The following OPHN1 variants were observed in gnomAD, a reference collection of about 807,000 sequenced individuals.
OPHN1 encodes the protein oligophrenin 1.
A neutral mutation model predicts 60.7 loss-of-function variants in OPHN1; 11 were observed. The ratio of observed to expected loss-of-function variants is 0.18; its 90% CI spans 0.11 to 0.30. The LOEUF (loss-of-function observed/expected upper bound fraction) is 0.30. Among genes scored for constraint, OPHN1 ranks in the 10% least tolerant of loss-of-function variants. OPHN1 has a pLI of 1.00. For missense variants in OPHN1, 449 were observed against 611.0 expected (o/e 0.73, Z 2.80); for synonymous variants, 226 against 222.6 (o/e 1.02, Z -0.14).
intron 2 of OPHN1, among the ~76,000 whole-genome samples, chrX:68,301,515 C>T (rs2078121111): frequency 9.1e-6 from 1 of 109,343 alleles, no homozygotes; most frequent in Non-Finnish European, 1.9e-5. Flanking sequence ...TCCAAGTTCC[C>T]ATACATTTGT....
intron 19 of OPHN1, among the ~76,000 whole-genome samples, chrX:68,076,352 C>T (rs1343335656): frequency 9.1e-6 from 1 of 109,637 alleles, no homozygotes; most frequent in Non-Finnish European, 1.9e-5. Flanking sequence ...GGAACTGGAA[C>T]TTTCACTGCT....
intron 5 of OPHN1, among the ~76,000 whole-genome samples, chrX:68,249,574 T>C (rs1040215453): frequency 6.3e-5 from 7 of 111,885 alleles, no homozygotes; most frequent in African/African-American, 1.6e-4. Flanking sequence ...CTCCCCTCTG[T>C]GTACTGAGAA....
chrX:68,390,891 T>C (rs1671019422), intron 2 of OPHN1, among the ~76,000 whole-genome samples: 1 of 111,810 alleles, frequency 8.9e-6, no homozygotes, highest in Non-Finnish European at 1.9e-5. Context: ...TGACACAAAT[T>C]TATTATCTTA....
chrX:68,107,442 T>A (rs752074450), intron 18 of OPHN1, among the ~76,000 whole-genome samples: 88 of 111,916 alleles, frequency 7.9e-4, no homozygotes, highest in Non-Finnish European at 1.5e-3. Context: ...AGGCTACGTA[T>A]TTTTGGCAAA....
At chrX:68,188,332 A>G (rs1237824126) in intron 15 of OPHN1, among the ~76,000 whole-genome samples, 1 of 112,349 alleles carries the variant, frequency 8.9e-6, no homozygotes, top group East Asian at 2.8e-4. Context: ...TCATAGTCAA[A>G]TGCAAATAGG....
chrX:68,347,472 C>T (rs776116461), intron 2 of OPHN1, among the ~76,000 whole-genome samples: 1 of 110,887 alleles, frequency 9.0e-6, no homozygotes, highest in African/African-American at 3.3e-5. Flanking sequence ...TGCACGCCAC[C>T]ATGCCCAGCT....
At chrX:68,127,967 T>C (rs778596831) in intron 15 of OPHN1, among the ~76,000 whole-genome samples, 1 of 111,647 alleles carries the variant, frequency 9.0e-6, no homozygotes, top group African/African-American at 3.3e-5. Flanking sequence ...ACAGAAAAGT[T>C]AAACCTATTG....
upstream of OPHN1, chrX:68,433,622 TC>T (rs775340342): frequency 6.1e-5 from 18 of 294,665 alleles, no homozygotes; most frequent in Non-Finnish European, 8.9e-5. Context: ...TCAACTGTTT[TC>T]CTTGTACCTT....
At chrX:68,360,305 G>A (rs998005373) in intron 2 of OPHN1, among the ~76,000 whole-genome samples, 1 of 110,312 alleles carries the variant, frequency 9.1e-6, no homozygotes, top group Non-Finnish European at 1.9e-5. Context: ...CAGCCTCCAA[G>A]TAGGTAGGAC....
intron 6 of OPHN1, among the ~76,000 whole-genome samples, chrX:68,232,456 A>G (rs1255209753): frequency 8.9e-6 from 1 of 111,914 alleles, no homozygotes; most frequent in Non-Finnish European, 1.9e-5. Flanking sequence ...ACAAGTTGTA[A>G]CAACACAGAG....
At chrX:68,231,026 ATAAG>A (rs1383663009) in intron 6 of OPHN1, among the ~76,000 whole-genome samples, 1 of 112,039 alleles carries the variant, frequency 8.9e-6, no homozygotes, top group East Asian at 2.8e-4. Context: ...GCCACATTAA[ATAAG>A]TAAGAGAGTA....
chrX:68,348,312 C>T (rs190964048), intron 2 of OPHN1, among the ~76,000 whole-genome samples: 120 of 86,640 alleles, frequency 1.4e-3, no homozygotes, highest in East Asian at 0.012. Flanking sequence ...AAGAGAAACA[C>T]ATCTAATTAG....
At chrX:68,084,410 G>C (rs1470446043) in intron 19 of OPHN1, among the ~76,000 whole-genome samples, 1 of 93,609 alleles carries the variant, frequency 1.1e-5, no homozygotes, top group Non-Finnish European at 2.1e-5. Flanking sequence ...AGTGAAAGAG[G>C]GGGACAGGGA....
intron 20 of OPHN1, among the ~76,000 whole-genome samples, chrX:68,068,756 AGAAT>A (rs1363800230): frequency 2.7e-5 from 3 of 112,374 alleles, no homozygotes; most frequent in South Asian, 3.7e-4. Flanking sequence ...TCCATAAGAA[AGAAT>A]GAAGTACTGA....
chrX:68,224,523 G>A (rs2077680101), intron 6 of OPHN1, among the ~76,000 whole-genome samples: 1 of 111,489 alleles, frequency 9.0e-6, no homozygotes, highest in East Asian at 2.8e-4. Context: ...AATAAGAAAT[G>A]TTAAGACATT....
intron 15 of OPHN1, among the ~76,000 whole-genome samples, chrX:68,135,960 A>G (rs1434704066): frequency 1.8e-5 from 2 of 111,698 alleles, no homozygotes; most frequent in Non-Finnish European, 3.8e-5. Context: ...GTGCCAAATA[A>G]GAAATTACAT....
intron 2 of OPHN1, among the ~76,000 whole-genome samples, chrX:68,305,817 A>C (rs1300110073): frequency 8.9e-6 from 1 of 111,839 alleles, no homozygotes; most frequent in Non-Finnish European, 1.9e-5. Context: ...ATAACAAACA[A>C]CCACCCTGGG....
chrX:68,395,187 C>T (rs2078676997), intron 2 of OPHN1, among the ~76,000 whole-genome samples: 1 of 109,614 alleles, frequency 9.1e-6, no homozygotes, highest in East Asian at 2.9e-4. Flanking sequence ...AAACTCCGGA[C>T]CTCAAGCAAT....
At chrX:68,197,552 A>G (rs1042593097) in intron 11 of OPHN1, among the ~76,000 whole-genome samples, 5 of 110,742 alleles carry the variant, frequency 4.5e-5, no homozygotes, top group African/African-American at 1.6e-4. Context: ...GCACACTTAA[A>G]TTGGCCCCAT....
Sources: gnomAD v4.1 joint callset for allele counts (sites outside exome capture counted in the v4.1 genomes callset) on GRCh38, gnomAD v4.1.1 for gene constraint, MANE v1.5 for transcripts, NCBI Gene and HGNC (gene_info 2026-07-23, HGNC 2026-07-21) for gene names.